ARHGEF3: variants seen among roughly 807,000 people sequenced by gnomAD.
ARHGEF3 encodes Rho guanine nucleotide exchange factor 3.
In ARHGEF3, 28 loss-of-function variants were observed where a neutral mutation model predicts 63.2. The observed-to-expected ratio is 0.44, with a 90% CI of 0.33 to 0.61. The LOEUF (loss-of-function observed/expected upper bound fraction) is 0.61. Ranked by LOEUF, ARHGEF3 falls within the 20% of genes least tolerant of loss-of-function variation. ARHGEF3 has a pLI of 0.03. For missense variants in ARHGEF3, 533 were observed against 659.3 expected (o/e 0.81, Z 2.10); for synonymous variants, 266 against 254.2 (o/e 1.05, Z -0.44).
intron 1 of ARHGEF3, among the ~76,000 whole-genome samples, chr3:56,780,022 T>C (rs2036492458): frequency 6.6e-6 from 1 of 152,210 alleles, no homozygotes; most frequent in Admixed American, 6.5e-5. Context: ...AAAGCTAGTA[T>C]CATTATCCCC....
intron 4 of ARHGEF3, among the ~76,000 whole-genome samples, chr3:56,806,976 C>T (rs1318265538): frequency 1.3e-5 from 2 of 151,992 alleles, no homozygotes; most frequent in Non-Finnish European, 2.9e-5. Flanking sequence ...CTCCACCTCC[C>T]GGCCTCAAGC....
intron 2 of ARHGEF3, chr3:57,007,413 T>C (rs1480377452): frequency 8.0e-7 from 1 of 1,242,822 alleles, no homozygotes. Flanking sequence ...TGATTTTGTT[T>C]ATTCCAAAAT....
intron 2 of ARHGEF3, among the ~76,000 whole-genome samples, chr3:57,000,470 C>T (rs1045921527): frequency 6.6e-6 from 1 of 151,798 alleles, no homozygotes; most frequent in African/African-American, 2.4e-5. Flanking sequence ...TGTCAATCAC[C>T]CCCATTTGTA....
intron 2 of ARHGEF3, among the ~76,000 whole-genome samples, chr3:56,961,702 CCCA>C (rs1215660052): frequency 6.6e-6 from 1 of 152,070 alleles, no homozygotes. Flanking sequence ...TTCCTCTCAT[CCCA>C]CCACCATTCA....
At chr3:56,840,760 C>T (rs1185115565) in intron 4 of ARHGEF3, among the ~76,000 whole-genome samples, 1 of 152,134 alleles carries the variant, frequency 6.6e-6, no homozygotes, top group African/African-American at 2.4e-5. Context: ...CACCTGCTAA[C>T]ATATTATAAC....
chr3:56,824,020 T>G, intron 4 of ARHGEF3, among the ~76,000 whole-genome samples: 1 of 146,586 alleles, frequency 6.8e-6, no homozygotes. Context: ...ACGAGCCAGA[T>G]GGACGAGAAG....
upstream of ARHGEF3, among the ~76,000 whole-genome samples, chr3:56,803,463 GAAAT>G (rs2037748797): frequency 6.7e-6 from 1 of 149,720 alleles, no homozygotes; most frequent in Non-Finnish European, 1.5e-5. Context: ...AAAAAAGAAA[GAAAT>G]AGAGGAAGGA....
intron 4 of ARHGEF3, among the ~76,000 whole-genome samples, chr3:56,840,154 T>C (rs1464893723): frequency 2.6e-5 from 4 of 152,188 alleles, no homozygotes; most frequent in African/African-American, 7.2e-5. Flanking sequence ...CCAGACATTC[T>C]TCAAATGAGA....
Position 56,729,174 on chromosome 3 carries a change from G to C in ARHGEF3, c.*96C>G, listed in dbSNP as rs750386332. 1 of 1,093,416 alleles carries C rather than the reference G, an allele frequency of 9.1e-7. No individual in the cohort carries two copies. The highest frequency in any genetic ancestry group is 1.3e-6 in the Non-Finnish European group (1 of 771,744). The allele number at this position is 1,093,416 out of a possible 1,614,324, so 67.7% of individuals were successfully genotyped here. A position where few individuals can be genotyped will look rare whatever the true frequency, so the allele number is the denominator to read the frequency against. On this transcript the variant is annotated 3_prime_UTR_variant, in exon 10 of 10. Coordinates refer to ENST00000296315, the MANE Select transcript of ARHGEF3 (RefSeq NM_019555.3). ...GGCCAACATGTATACTTTCACAAAAGTATGAAAAAGTGCTTCTCCAAACCG... is the reference window on the plus strand; with the variant it reads ...GGCCAACATGTATACTTTCACAAAACTATGAAAAAGTGCTTCTCCAAACCG...
At chr3:56,848,086 GA>G (rs1174829582) in intron 4 of ARHGEF3, among the ~76,000 whole-genome samples, 1 of 152,142 alleles carries the variant, frequency 6.6e-6, no homozygotes, top group Non-Finnish European at 1.5e-5. Context: ...GGCTGAGTAG[GA>G]AATAGCTTTA....
chr3:56,844,479 AG>A (rs1165064781), intron 4 of ARHGEF3, among the ~76,000 whole-genome samples: 1 of 152,244 alleles, frequency 6.6e-6, no homozygotes, highest in Admixed American at 6.5e-5. Flanking sequence ...AATAAAAGAT[AG>A]AAAATCTTTC....
At chr3:56,773,604 G>C in intron 2 of ARHGEF3, 105 bp downstream of exon 2, 2 of 964,274 alleles carry the variant, frequency 2.1e-6, no homozygotes, top group East Asian at 2.7e-5. Flanking sequence ...AATAAGCATT[G>C]ATTCAGGTCA....
rs531224135 is a variant in ARHGEF3 at position 56,733,846 on chromosome 3, C to T, written c.1042-1422G>A. On this transcript the variant is annotated intron_variant, in intron 8 of 9. Coordinates refer to ENST00000296315, the MANE Select transcript of ARHGEF3 (RefSeq NM_019555.3). ...TAAAAATACAAAAATTAGCGAGGCG[C>T]GGTGGCAGGCGCCTATAATCCCAGC... Among the ~76,000 whole-genome samples the T allele has an allele frequency of 5.4e-3, 825 of 151,618 alleles. 9 individuals carry two copies. The highest frequency in any genetic ancestry group is 0.019 in the African/African-American group (794 of 41,308).
chr3:56,912,293 T>A (rs1283755949), intron 3 of ARHGEF3, among the ~76,000 whole-genome samples: 2 of 152,232 alleles, frequency 1.3e-5, no homozygotes, highest in African/African-American at 4.8e-5. Context: ...AGGTGCCTCT[T>A]ACTTAGGCAC....
intron 4 of ARHGEF3, among the ~76,000 whole-genome samples, chr3:56,864,417 A>C (rs1409834614): frequency 6.6e-6 from 1 of 152,158 alleles, no homozygotes; most frequent in Non-Finnish European, 1.5e-5. Flanking sequence ...TTCAGCTTTC[A>C]CTTCCCCAGA....
chr3:57,049,362 C>T (rs1356492575), intron 1 of ARHGEF3, among the ~76,000 whole-genome samples: 1 of 152,028 alleles, frequency 6.6e-6, no homozygotes, highest in Non-Finnish European at 1.5e-5. Flanking sequence ...GAGTGAGACC[C>T]TGACTCCAAT....
At chr3:57,059,664 T>G (rs1705114744) in intron 1 of ARHGEF3, among the ~76,000 whole-genome samples, 2 of 152,178 alleles carry the variant, frequency 1.3e-5, no homozygotes, top group Non-Finnish European at 2.9e-5. Context: ...AAAGTAGGAC[T>G]GAAATGACTG....
Position 56,732,168 on chromosome 3 carries a change from A to C in ARHGEF3, c.1228+70T>G, listed in dbSNP as rs749818987. ...AGACCGTGGCTTTTCTCTTTCCACC[A>C]GCTGCCCACTCCCTCCAAACTACCA... On this transcript the variant is annotated intron_variant, in intron 9 of 9. Transcript: ENST00000296315. 1.1e-5 allele frequency: 17 copies of C among 1,570,310 alleles called. No individual in the cohort carries two copies. In the South Asian group the frequency reaches 1.9e-4, roughly 18 times the overall value.
chr3:56,761,168 C>T (rs1042057696), intron 2 of ARHGEF3, among the ~76,000 whole-genome samples: 5 of 152,096 alleles, frequency 3.3e-5, no homozygotes, highest in African/African-American at 9.7e-5. Context: ...CGTCTGGCCC[C>T]GGGGAAAAGG....
Sources: allele counts gnomAD v4.1 joint callset (sites outside exome capture counted in the v4.1 genomes callset), GRCh38; gene constraint gnomAD v4.1.1; transcripts MANE v1.5; gene names NCBI Gene and HGNC (gene_info 2026-07-23, HGNC 2026-07-21).